TRIQK: variants seen among roughly 807,000 people sequenced by gnomAD.
TRIQK encodes the protein triple QxxK/R motif-containing protein.
TRIQK carries 10 observed loss-of-function variants against 10.8 expected under a neutral mutation model. That is an observed-to-expected ratio of 0.92 (90% CI 0.57 to 1.57). The LOEUF is 1.57. Ranked by LOEUF, TRIQK falls within the 40% of genes most tolerant of loss-of-function variation. TRIQK has a pLI of 0.00. For missense variants in TRIQK, 107 were observed against 97.7 expected (o/e 1.09, Z -0.40); for synonymous variants, 33 against 33.7 (o/e 0.98, Z 0.07).
At chr8:93,012,766 G>A (rs1430094858) in intron 1 of TRIQK, among the ~76,000 whole-genome samples, 1 of 152,048 alleles carries the variant, frequency 6.6e-6, no homozygotes, top group Non-Finnish European at 1.5e-5. Flanking sequence ...TGAATAAAAG[G>A]GTAAAAAATA....
At chr8:92,892,900 A>G (rs931029398) in intron 3 of TRIQK, among the ~76,000 whole-genome samples, 6 of 151,960 alleles carry the variant, frequency 3.9e-5, no homozygotes, top group Non-Finnish European at 7.4e-5. Context: ...TTGTTAGCCA[A>G]CTCTTAACTA....
chr8:92,902,815 C>T (rs1436857234), intron 3 of TRIQK, among the ~76,000 whole-genome samples: 1 of 151,530 alleles, frequency 6.6e-6, no homozygotes, highest in Admixed American at 6.6e-5. Flanking sequence ...TCTCTTTGTT[C>T]CCTTTGATTT....
intron 2 of TRIQK, among the ~76,000 whole-genome samples, chr8:92,950,524 G>A (rs958606399): frequency 2.6e-5 from 4 of 151,950 alleles, no homozygotes; most frequent in African/African-American, 9.7e-5. Flanking sequence ...TTCTCTTTAG[G>A]AGTTGTAAAC....
intron 3 of TRIQK, among the ~76,000 whole-genome samples, chr8:92,898,327 C>T (rs973418982): frequency 2.6e-5 from 4 of 152,140 alleles, no homozygotes; most frequent in Admixed American, 1.3e-4. Context: ...GTGGCTGCTA[C>T]GCTAACGTTT....
At chr8:92,892,976 C>T (rs1408548521) in intron 3 of TRIQK, among the ~76,000 whole-genome samples, 3 of 152,000 alleles carry the variant, frequency 2.0e-5, no homozygotes, top group Admixed American at 1.3e-4. Context: ...GGAGTTAATA[C>T]ATGATCGTAT....
chr8:92,975,881 T>TA (rs922182634), intron 1 of TRIQK, among the ~76,000 whole-genome samples: 8 of 152,116 alleles, frequency 5.3e-5, no homozygotes, highest in African/African-American at 1.7e-4. Flanking sequence ...TTCATTTATT[T>TA]AAAAAAACTT....
chr8:92,967,599 A>T (rs1457052878), upstream of TRIQK, among the ~76,000 whole-genome samples: 1 of 152,032 alleles, frequency 6.6e-6, no homozygotes, highest in Non-Finnish European at 1.5e-5. Flanking sequence ...AGGTGGACGG[A>T]TTGCCTGAGG....
chr8:92,971,933 A>G (rs1812880869), intron 1 of TRIQK, among the ~76,000 whole-genome samples: 1 of 152,140 alleles, frequency 6.6e-6, no homozygotes, highest in Non-Finnish European at 1.5e-5. Context: ...TTCATTATAT[A>G]TTTTGAAGGT....
chr8:92,970,516 T>C (rs1419995597), upstream of TRIQK, among the ~76,000 whole-genome samples: 1 of 152,232 alleles, frequency 6.6e-6, no homozygotes. Context: ...AAATGGTATC[T>C]CATTATAGGT....
intron 1 of TRIQK, among the ~76,000 whole-genome samples, chr8:93,012,124 T>C (rs933214536): frequency 2.0e-5 from 3 of 152,150 alleles, no homozygotes; most frequent in Non-Finnish European, 4.4e-5. Context: ...GAATTAGAAA[T>C]GGCTGGGAAA....
rs567667673 is a variant in TRIQK at position 92,918,783 on chromosome 8, C to A, written c.-21-1773G>T. On this transcript the variant is annotated intron_variant, in intron 2 of 4. Coordinates refer to ENST00000521988, the MANE Select transcript of TRIQK (RefSeq NM_001171797.2). Reference sequence around the variant, plus strand: ...TGGGCTTTTGAGATCTTACCCCCCCCCACAATTTTTGCCAGACCAATGTCC... The same window carrying A: ...TGGGCTTTTGAGATCTTACCCCCCCACACAATTTTTGCCAGACCAATGTCC... Among the ~76,000 whole-genome samples, 386 of 151,172 alleles carry A rather than the reference C, an allele frequency of 2.6e-3. 2 individuals carry two copies. The highest frequency in any genetic ancestry group is 7.7e-3 in the South Asian group (37 of 4,804).
chr8:92,929,823 A>C (rs1810620293), intron 2 of TRIQK, among the ~76,000 whole-genome samples: 2 of 152,166 alleles, frequency 1.3e-5, no homozygotes, highest in South Asian at 2.1e-4. Flanking sequence ...ACAGTATGGG[A>C]AATGTACTTG....
intron 2 of TRIQK, among the ~76,000 whole-genome samples, chr8:92,946,530 G>T (rs1811539437): frequency 6.6e-6 from 1 of 152,060 alleles, no homozygotes; most frequent in African/African-American, 2.4e-5. Flanking sequence ...GAACTACTCT[G>T]AACCCCTGTC....
rs557493807 is a variant in TRIQK, at chr8:92,902,739, T to C, written c.62-10665A>G. 2.6e-5 allele frequency among the ~76,000 whole-genome samples: 4 copies of C among 152,252 alleles called. No homozygotes were observed. The South Asian group carries it at 8.3e-4, about 32-fold the overall frequency. On this transcript the variant is annotated intron_variant, in intron 3 of 4. Transcript: ENST00000521988. ...ATGTGAAAATCTGTCCTTTAATTAG[T>C]ATGTTTAGGTGTTTACATTTAATAA...
chr8:92,916,296 G>C (rs1365030), intron 3 of TRIQK, among the ~76,000 whole-genome samples: 55,765 of 151,928 alleles, frequency 0.37, 12,312 homozygotes, highest in Admixed American at 0.56. Flanking sequence ...ATTTAAAATA[G>C]ATAAGCTTCC....
chr8:93,013,539 G>A (rs965306), intron 1 of TRIQK, among the ~76,000 whole-genome samples: 21,456 of 151,988 alleles, frequency 0.14, 1,533 homozygotes, highest in East Asian at 0.19. Flanking sequence ...TTTTAGATAA[G>A]CACATTCAGT....
chr8:92,967,585 G>A (rs933701474), upstream of TRIQK, among the ~76,000 whole-genome samples: 1 of 152,074 alleles, frequency 6.6e-6, no homozygotes, highest in Non-Finnish European at 1.5e-5. Context: ...ACTTTGGGAA[G>A]CTGAGGTGGA....
intron 3 of TRIQK, among the ~76,000 whole-genome samples, chr8:92,898,847 A>G (rs926823258): frequency 3.0e-5 from 4 of 133,936 alleles, no homozygotes; most frequent in African/African-American, 8.5e-5. Context: ...ATATATATAT[A>G]TATATATATA....
At chr8:92,949,827 AAAG>A (rs1811793077) in intron 2 of TRIQK, among the ~76,000 whole-genome samples, 2 of 126,610 alleles carry the variant, frequency 1.6e-5, no homozygotes, top group Non-Finnish European at 3.5e-5. Context: ...AGAAAGAAAG[AAAG>A]AAAGAAAGAA....
Sources: allele counts gnomAD v4.1 joint callset (sites outside exome capture counted in the v4.1 genomes callset), GRCh38; gene constraint gnomAD v4.1.1; transcripts MANE v1.5; gene names NCBI Gene and HGNC (gene_info 2026-07-23, HGNC 2026-07-21).